CMIP: variants seen among roughly 807,000 people sequenced by gnomAD.
The protein encoded by CMIP is C-Maf-inducing protein.
Under a neutral mutation model 97.3 loss-of-function variants are expected in CMIP, and 13 were observed. The observed-to-expected ratio is 0.13, with a 90% CI of 0.09 to 0.21. The LOEUF is 0.21. CMIP is among the 10% of genes least tolerant of loss of function. The pLI, the probability that CMIP is intolerant of heterozygous loss-of-function variation, is 1.00. For synonymous variants in CMIP, 538 were observed against 436.3 expected, an observed-to-expected ratio of 1.23 and a Z score of -2.91; for missense variants, 847 against 1,024.9, an observed-to-expected ratio of 0.83 and a Z score of 2.37.
intron 1 of CMIP, among the ~76,000 whole-genome samples, chr16:81,514,820 C>G (rs2089881348): frequency 6.6e-6 from 1 of 152,212 alleles, no homozygotes; most frequent in Non-Finnish European, 1.5e-5. Context: ...AATCCTTAGG[C>G]TGCTGCCTGG....
intron 1 of CMIP, among the ~76,000 whole-genome samples, chr16:81,601,825 C>G (rs749988016): frequency 1.3e-5 from 2 of 152,172 alleles, no homozygotes; most frequent in African/African-American, 4.8e-5. Context: ...ACTCAGTTAG[C>G]GAGCGGTCCC....
chr16:81,596,311 G>A (rs958796119), intron 1 of CMIP, among the ~76,000 whole-genome samples: 25 of 152,064 alleles, frequency 1.6e-4, no homozygotes, highest in African/African-American at 5.1e-4. Context: ...TTCAAGACCA[G>A]CCTGGCCAAC....
intron 1 of CMIP, among the ~76,000 whole-genome samples, chr16:81,484,997 C>T (rs891071505): frequency 4.6e-5 from 7 of 152,116 alleles, no homozygotes; most frequent in African/African-American, 1.7e-4. Flanking sequence ...TTTAGAGCAG[C>T]AGTTTCCAAC....
intron 1 of CMIP, among the ~76,000 whole-genome samples, chr16:81,470,258 G>C (rs1296294361): frequency 6.6e-6 from 1 of 152,246 alleles, no homozygotes; most frequent in African/African-American, 2.4e-5. Flanking sequence ...AGGGATGCTG[G>C]GAGAGAGCCC....
intron 1 of CMIP, among the ~76,000 whole-genome samples, chr16:81,588,355 T>C (rs950143351): frequency 6.6e-5 from 10 of 152,210 alleles, no homozygotes; most frequent in African/African-American, 9.7e-5. Flanking sequence ...TTTAAGAGAT[T>C]TGGGGGAGAC....
chr16:81,699,493 A>C (rs1311919151), intron 14 of CMIP, among the ~76,000 whole-genome samples, 192 bp from the exon 15 acceptor site: 1 of 152,164 alleles, frequency 6.6e-6, no homozygotes, highest in African/African-American at 2.4e-5. Flanking sequence ...CTCAGGGTTC[A>C]TCTGGGTTAG....
intron 1 of CMIP, among the ~76,000 whole-genome samples, chr16:81,578,334 T>A (rs1217274676): frequency 6.6e-6 from 1 of 152,256 alleles, no homozygotes; most frequent in African/African-American, 2.4e-5. Flanking sequence ...AAGGTCTCTT[T>A]CCTGCTCTTC....
chr16:81,569,930 A>T (rs189522062), intron 1 of CMIP, among the ~76,000 whole-genome samples: 2 of 149,612 alleles, frequency 1.3e-5, no homozygotes, highest in East Asian at 3.9e-4. Context: ...AGCGTTCGTT[A>T]TGAGTGCACT....
At chr16:81,512,896 C>T (rs770598377) in intron 1 of CMIP, among the ~76,000 whole-genome samples, 2 of 152,094 alleles carry the variant, frequency 1.3e-5, no homozygotes, top group African/African-American at 2.4e-5. Context: ...ACCACCACAC[C>T]CAGCTAATTT....
chr16:81,640,369 G>C (rs942127932), intron 3 of CMIP, among the ~76,000 whole-genome samples: 1 of 151,066 alleles, frequency 6.6e-6, no homozygotes, highest in Admixed American at 6.6e-5. Context: ...CAGTTGCAGA[G>C]GGCCCTGCTG....
chr16:81,708,860 G>A (rs762107267), intron 20 of CMIP, among the ~76,000 whole-genome samples: 1 of 152,244 alleles, frequency 6.6e-6, no homozygotes, highest in Non-Finnish European at 1.5e-5. Flanking sequence ...GAGCACAGGA[G>A]AGCAGCAGCG....
intron 1 of CMIP, among the ~76,000 whole-genome samples, chr16:81,567,243 G>T (rs1022752702): frequency 6.6e-6 from 1 of 152,252 alleles, no homozygotes; most frequent in Non-Finnish European, 1.5e-5. Context: ...ACGGGAGCTT[G>T]TGCTGCTCTC....
intron 1 of CMIP, among the ~76,000 whole-genome samples, chr16:81,584,174 G>C (rs1435238076): frequency 6.6e-6 from 1 of 152,106 alleles, no homozygotes; most frequent in Non-Finnish European, 1.5e-5. Flanking sequence ...GGCCCCTAGC[G>C]CCCACCAGCA....
chr16:81,484,690 G>A (rs113780911), intron 1 of CMIP, among the ~76,000 whole-genome samples: 4,192 of 152,294 alleles, frequency 0.028, 80 homozygotes, highest in Non-Finnish European at 0.045. Flanking sequence ...TAGACGCTAA[G>A]CGATGGAAAC....
chr16:81,687,031 G>T (rs1905477076), intron 10 of CMIP, among the ~76,000 whole-genome samples: 1 of 152,188 alleles, frequency 6.6e-6, no homozygotes, highest in African/African-American at 2.4e-5. Context: ...TCCTGCCCCA[G>T]TGCAAGCCAG....
At chr16:81,705,964 G>T (rs1318671063) in intron 19 of CMIP, among the ~76,000 whole-genome samples, 2 of 152,168 alleles carry the variant, frequency 1.3e-5, no homozygotes, top group African/African-American at 4.8e-5. Context: ...GTCTTCTGGG[G>T]GCTGGTCAGA....
intron 1 of CMIP, among the ~76,000 whole-genome samples, chr16:81,531,488 G>C (rs1333134318): frequency 2.0e-5 from 3 of 152,180 alleles, no homozygotes; most frequent in Non-Finnish European, 4.4e-5. Flanking sequence ...GTCCAGTCTC[G>C]ATTCTACGAC....
At chr16:81,531,853 T>C (rs1173702038) in intron 1 of CMIP, among the ~76,000 whole-genome samples, 2 of 152,254 alleles carry the variant, frequency 1.3e-5, no homozygotes, top group African/African-American at 4.8e-5. Flanking sequence ...AATTACTAGT[T>C]GGGGCTAGTT....
At chr16:81,612,512 T>C (rs1274611170) in intron 2 of CMIP, among the ~76,000 whole-genome samples, 2 of 152,162 alleles carry the variant, frequency 1.3e-5, no homozygotes, top group African/African-American at 4.8e-5. Flanking sequence ...TCTCACTCTC[T>C]AGCTTCCAGT....
Sources: allele counts gnomAD v4.1 joint callset (sites outside exome capture counted in the v4.1 genomes callset), GRCh38; gene constraint gnomAD v4.1.1; transcripts MANE v1.5; gene names NCBI Gene and HGNC (gene_info 2026-07-23, HGNC 2026-07-21).